PRKAR1B: variants seen among roughly 807,000 people sequenced by gnomAD.
The protein encoded by PRKAR1B is protein kinase cAMP-dependent type I regulatory subunit beta.
Under a neutral mutation model 46.5 loss-of-function variants are expected in PRKAR1B, and 22 were observed. The ratio of observed to expected loss-of-function variants is 0.47; its 90% confidence interval spans 0.34 to 0.68. The LOEUF (loss-of-function observed/expected upper bound fraction) is 0.68, where lower values mean the gene tolerates loss of function less well. Among genes scored for constraint, PRKAR1B ranks in the 30% least tolerant of loss-of-function variants. PRKAR1B has a pLI of 0.01. For synonymous variants in PRKAR1B, 259 were observed against 217.7 expected (o/e 1.19, Z -1.67); for missense variants, 445 against 535.6 (o/e 0.83, Z 1.67).
At chr7:642,888 C>T (rs934647315) in intron 4 of PRKAR1B, among the ~76,000 whole-genome samples, 2 of 151,502 alleles carry the variant, frequency 1.3e-5, no homozygotes, top group African/African-American at 4.9e-5. Context: ...TCGCAGTCAT[C>T]TGTCCTGGGT....
At chr7:634,083 T>C (rs966418925) in intron 4 of PRKAR1B, among the ~76,000 whole-genome samples, 2 of 152,116 alleles carry the variant, frequency 1.3e-5, no homozygotes, top group African/African-American at 4.8e-5. Context: ...AGTGCAATGG[T>C]GTGATCTCAG....
rs1385367403 is a variant in PRKAR1B at position 657,254 on chromosome 7, T to A, written c.440+19975A>T. The stretch of plus-strand genomic sequence containing the variant: ...ATGGATGGATAAATGAATGGATGGA[T>A]GAATGGACGGACGGATGGATGGATG... On this transcript the variant is annotated intron_variant, in intron 4 of 10. Coordinates refer to ENST00000537384, the MANE Select transcript of PRKAR1B (RefSeq NM_001164760.2). Among the ~76,000 whole-genome samples, 26 of 144,702 alleles carry A rather than the reference T, an allele frequency of 1.8e-4. 1 individual carries two copies. Among genetic ancestry groups the A allele is most frequent in the African/African-American group, 6.7e-4 (26 of 38,650 alleles). The allele number at this position is 144,702 out of a possible 152,430, so 94.9% of individuals were successfully genotyped here. A position where few individuals can be genotyped will look rare whatever the true frequency, so the allele number is the denominator to read the frequency against.
At chr7:669,867 A>ATTTTTTTT (rs570284003) in intron 4 of PRKAR1B, among the ~76,000 whole-genome samples, 2 of 131,448 alleles carry the variant, frequency 1.5e-5, no homozygotes, top group African/African-American at 2.8e-5. Flanking sequence ...CACGTGCCAT[A>ATTTTTTTT]TTTTTTTTTT....
intron 4 of PRKAR1B, among the ~76,000 whole-genome samples, chr7:651,110 T>C (rs1188095391): frequency 1.3e-5 from 2 of 152,216 alleles, no homozygotes; most frequent in Non-Finnish European, 2.9e-5. Context: ...ATTTGGGGGC[T>C]GCTCAAGAGC....
At chr7:718,236 C>G (rs887382761) in intron 1 of PRKAR1B, among the ~76,000 whole-genome samples, 1 of 150,800 alleles carries the variant, frequency 6.6e-6, no homozygotes, top group East Asian at 1.9e-4. Flanking sequence ...CAGGCCTTCA[C>G]TGGGGGAAGC....
At chr7:633,937 A>T (rs1031596831) in intron 4 of PRKAR1B, among the ~76,000 whole-genome samples, 2 of 152,206 alleles carry the variant, frequency 1.3e-5, no homozygotes, top group Non-Finnish European at 2.9e-5. Context: ...CTGTAATCGC[A>T]GCACTTTGGG....
chr7:728,798 C>T (rs1224454556), upstream of PRKAR1B, among the ~76,000 whole-genome samples: 2 of 152,112 alleles, frequency 1.3e-5, no homozygotes, highest in African/African-American at 2.4e-5. Context: ...GGAGCATCCC[C>T]TCATCTCCAG....
intron 4 of PRKAR1B, among the ~76,000 whole-genome samples, chr7:615,700 C>T (rs1315982201): frequency 6.7e-6 from 1 of 149,692 alleles, no homozygotes; most frequent in Non-Finnish European, 1.5e-5. Flanking sequence ...TGGTGGCAGG[C>T]GCCTGTAGTC....
chr7:626,333 A>G (rs1485190231), intron 4 of PRKAR1B, among the ~76,000 whole-genome samples: 1 of 152,080 alleles, frequency 6.6e-6, no homozygotes, highest in East Asian at 1.9e-4. Context: ...CTCTACTAAA[A>G]ATTTTAAAAA....
intron 6 of PRKAR1B, among the ~76,000 whole-genome samples, chr7:601,389 T>C (rs1180494115): frequency 1.3e-5 from 2 of 152,200 alleles, no homozygotes; most frequent in African/African-American, 4.8e-5. Flanking sequence ...GGGGCTGCCA[T>C]GCGGCCGTTC....
chr7:584,681 G>A (rs1780499820), intron 7 of PRKAR1B, 113 bp from the exon 8 acceptor site: 1 of 905,154 alleles, frequency 1.1e-6, no homozygotes, highest in Non-Finnish European at 1.7e-6. Flanking sequence ...GACCCTCCAA[G>A]CATTCCAAGT....
chr7:607,338 A>G (rs1782149399), intron 5 of PRKAR1B, 53 bp downstream of exon 5: 2 of 1,533,046 alleles, frequency 1.3e-6, no homozygotes, highest in East Asian at 2.3e-5. Context: ...TTTTAAGTGC[A>G]TAGTCCATTT....
At chr7:575,789 GGTC>G (rs1452315848) in intron 9 of PRKAR1B, among the ~76,000 whole-genome samples, 1 of 152,142 alleles carries the variant, frequency 6.6e-6, no homozygotes, top group Non-Finnish European at 1.5e-5. Flanking sequence ...TGCCCAGGCT[GGTC>G]TTGAATGCCT....
At position 697,931 on chromosome 7, in the gene PRKAR1B, GGGAAGGGAAGGGAC is replaced by G. The variant is rs1225503203; in HGVS notation, c.177+13384_177+13397del. 3.3e-3 allele frequency among the ~76,000 whole-genome samples: 373 copies of G among 111,460 alleles called. 7 individuals carry two copies. Among genetic ancestry groups the G allele is most frequent in the African/African-American group, 0.013 (356 of 26,446 alleles). The allele number at this position is 111,460 out of a possible 152,430, so 73.1% of individuals were successfully genotyped here. On this transcript the variant is annotated intron_variant, in intron 2 of 10. Transcript: ENST00000537384. ...AGGGAAGGGAGGGGAGGGGAGGGGA[GGGAAGGGAAGGGAC>G]GGGAGGGAAGGGAAGGGAAGGAAGG... is the stretch of plus-strand genomic sequence containing the variant.
In PRKAR1B at chr7:621,074, T is replaced by G. The variant is rs144721907; in HGVS notation, c.441-13622A>C. ...CTACTAATATGGTGATTTACATGGATAGAGTATTCTGAGGTTGAACCATCC... is the reference window on the plus strand; with the variant it reads ...CTACTAATATGGTGATTTACATGGAGAGAGTATTCTGAGGTTGAACCATCC... On this transcript the variant is annotated intron_variant, in intron 4 of 10. Coordinates refer to ENST00000537384, the MANE Select transcript of PRKAR1B (RefSeq NM_001164760.2). 2.3e-3 allele frequency among the ~76,000 whole-genome samples: 348 copies of G among 152,374 alleles called. 1 individual carries two copies. The highest frequency in any genetic ancestry group is 5.8e-3 in the East Asian group (30 of 5,194).
At chr7:688,598 C>A (rs1398645231) in intron 2 of PRKAR1B, among the ~76,000 whole-genome samples, 1 of 152,134 alleles carries the variant, frequency 6.6e-6, no homozygotes, top group African/African-American at 2.4e-5. Flanking sequence ...TTCCGCCTTT[C>A]ACTTGCAATT....
intron 4 of PRKAR1B, among the ~76,000 whole-genome samples, chr7:620,036 T>A (rs1048240129): frequency 1.3e-5 from 2 of 148,314 alleles, no homozygotes; most frequent in Non-Finnish European, 3.0e-5. Flanking sequence ...TTTTTTTTTT[T>A]AGAGATGGGG....
chr7:642,787 G>C (rs1583346194), intron 4 of PRKAR1B, among the ~76,000 whole-genome samples: 1 of 150,800 alleles, frequency 6.6e-6, no homozygotes, highest in African/African-American at 2.5e-5. Context: ...CAAGACCCCA[G>C]TCAACCCCAT....
chr7:643,414 A>G (rs1583346887), intron 4 of PRKAR1B, among the ~76,000 whole-genome samples: 1 of 151,600 alleles, frequency 6.6e-6, no homozygotes. Flanking sequence ...GATCCTTCGC[A>G]GCTCACTCAT....
Sources: gnomAD v4.1 joint callset for allele counts (sites outside exome capture counted in the v4.1 genomes callset) on GRCh38, gnomAD v4.1.1 for gene constraint, MANE v1.5 for transcripts, NCBI Gene and HGNC (gene_info 2026-07-23, HGNC 2026-07-21) for gene names.